The following HDX variants were observed in gnomAD, a reference collection of about 807,000 sequenced individuals.
HDX encodes chromosome X open reading frame 43.
HDX carries 19 observed loss-of-function variants against 45.2 expected under a neutral mutation model. The observed-to-expected ratio is 0.42, with a 90% CI of 0.29 to 0.62. The LOEUF is 0.62. Among genes scored for constraint, HDX ranks in the 20% least tolerant of loss-of-function variants. The probability of loss-of-function intolerance (pLI) is 0.20; values close to 1 mark genes in which losing one functional copy is unlikely to be tolerated. For missense variants in HDX, 532 were observed against 493.9 expected, an observed-to-expected ratio of 1.08 and a Z score of -0.73; for synonymous variants, 188 against 172.8, an observed-to-expected ratio of 1.09 and a Z score of -0.69.
At chrX:84,404,914 T>G (rs959191504) in intron 5 of HDX, among the ~76,000 whole-genome samples, 1 of 111,252 alleles carries the variant, frequency 9.0e-6, no homozygotes, top group African/African-American at 3.3e-5. Context: ...AGCACACAGT[T>G]TTTCTACTGG....
chrX:84,440,385 T>C, intron 5 of HDX, 147 bp downstream of exon 5: 1 of 453,506 alleles, frequency 2.2e-6, no homozygotes, highest in Non-Finnish European at 3.9e-6. Context: ...GTAAATATTA[T>C]GATCTTGAAA....
chrX:84,394,421 G>C (rs2038512399), intron 5 of HDX, among the ~76,000 whole-genome samples: 1 of 111,874 alleles, frequency 8.9e-6, no homozygotes, highest in Non-Finnish European at 1.9e-5. Context: ...CTTATCATAT[G>C]TTGTATCCTG....
chrX:84,371,546 T>C (rs1486300614), intron 5 of HDX, among the ~76,000 whole-genome samples: 1 of 112,043 alleles, frequency 8.9e-6, no homozygotes, highest in East Asian at 2.8e-4. Flanking sequence ...CTCCAGCTTC[T>C]TTGTGAAGGG....
chrX:84,443,133 A>G (rs1389324447), intron 4 of HDX, among the ~76,000 whole-genome samples: 1 of 111,823 alleles, frequency 8.9e-6, no homozygotes, highest in African/African-American at 3.2e-5. Context: ...ATATTTAACT[A>G]ATCTCTCACG....
intron 5 of HDX, among the ~76,000 whole-genome samples, chrX:84,414,230 C>A (rs1180494836): frequency 9.0e-6 from 1 of 111,503 alleles, no homozygotes; most frequent in Non-Finnish European, 1.9e-5. Flanking sequence ...ATTTTCAGAT[C>A]TTCCCCTAGA....
At chrX:84,396,866 G>C (rs1187819752) in intron 5 of HDX, among the ~76,000 whole-genome samples, 1 of 111,183 alleles carries the variant, frequency 9.0e-6, no homozygotes, top group Non-Finnish European at 1.9e-5. Flanking sequence ...GACTAAATGG[G>C]CATGTTCTAG....
intron 2 of HDX, among the ~76,000 whole-genome samples, chrX:84,476,912 T>C (rs1189645472): frequency 9.0e-6 from 1 of 111,623 alleles, no homozygotes; most frequent in East Asian, 2.8e-4. Flanking sequence ...GAGAGTAAAG[T>C]TTCTCCCTGA....
At chrX:84,397,706 C>T (rs1256954194) in intron 5 of HDX, among the ~76,000 whole-genome samples, 1 of 111,810 alleles carries the variant, frequency 8.9e-6, no homozygotes, top group Non-Finnish European at 1.9e-5. Context: ...TACCTACTGG[C>T]TATTTAGCTT....
At chrX:84,458,025 A>G (rs1050769758) in intron 4 of HDX, among the ~76,000 whole-genome samples, 1 of 111,920 alleles carries the variant, frequency 8.9e-6, no homozygotes, top group Non-Finnish European at 1.9e-5. Context: ...TACTGCTAAT[A>G]CACATTTCAT....
At chrX:84,412,879 G>A (rs755913853) in intron 5 of HDX, among the ~76,000 whole-genome samples, 58 of 111,689 alleles carry the variant, frequency 5.2e-4, no homozygotes, top group Non-Finnish European at 9.2e-4. Flanking sequence ...TTTTATTTGC[G>A]ATTATTCGGG....
intron 5 of HDX, among the ~76,000 whole-genome samples, chrX:84,374,556 A>C (rs1158203362): frequency 3.3e-5 from 2 of 61,184 alleles, no homozygotes; most frequent in Non-Finnish European, 5.7e-5. Flanking sequence ...TGGTACCAAA[A>C]CAGAACAGAA....
intron 3 of HDX, among the ~76,000 whole-genome samples, chrX:84,473,880 AT>A (rs1485001904): frequency 8.9e-6 from 1 of 112,189 alleles, no homozygotes; most frequent in East Asian, 2.8e-4. Context: ...ACAATTAGAC[AT>A]TTTCCTCTGT....
chrX:84,430,986 A>G (rs2039493247), intron 5 of HDX, among the ~76,000 whole-genome samples: 1 of 110,828 alleles, frequency 9.0e-6, no homozygotes, highest in Non-Finnish European at 1.9e-5. Flanking sequence ...AGCATAGTAT[A>G]TGATAGGTAG....
chrX:84,487,756 C>T (rs1471179915), intron 2 of HDX, among the ~76,000 whole-genome samples: 3 of 112,295 alleles, frequency 2.7e-5, no homozygotes, highest in African/African-American at 9.7e-5. Context: ...TCCTGGTCCT[C>T]TAGACAGAAA....
At chrX:84,375,141 A>G (rs1465203383) in intron 5 of HDX, among the ~76,000 whole-genome samples, 1 of 102,978 alleles carries the variant, frequency 9.7e-6, no homozygotes, top group Non-Finnish European at 2.0e-5. Flanking sequence ...GACACATGAA[A>G]AAATGCTCAC....
chrX:84,425,841 T>C (rs949678978), intron 5 of HDX, among the ~76,000 whole-genome samples: 1 of 108,348 alleles, frequency 9.2e-6, no homozygotes, highest in African/African-American at 3.4e-5. Context: ...GATGGAGGGG[T>C]AAGGATAGTT....
chrX:84,336,236 C>A (rs1461951461), intron 8 of HDX, among the ~76,000 whole-genome samples: 3 of 111,375 alleles, frequency 2.7e-5, no homozygotes, highest in African/African-American at 9.7e-5. Context: ...TTACTCCACA[C>A]ACAACCTGCT....
At chrX:84,390,706 G>C (rs144167219) in intron 5 of HDX, among the ~76,000 whole-genome samples, 316 of 112,413 alleles carry the variant, frequency 2.8e-3, no homozygotes, top group African/African-American at 9.9e-3. Context: ...AGGTGTGACA[G>C]CTTTTGCAAA....
At position 84,318,312 on chromosome X, in the gene HDX, A is replaced by T. The variant is rs1474559810; in HGVS notation, c.*3577T>A. On this transcript the variant is annotated 3_prime_UTR_variant, in exon 11 of 11. Transcript: ENST00000373177. ...ACCAACTTCAAAGAGAAATCTACCCATTTACCTAACATTTAGATACAGTGG... is the reference window on the plus strand; with the variant it reads ...ACCAACTTCAAAGAGAAATCTACCCTTTTACCTAACATTTAGATACAGTGG... The T allele has an allele frequency of 1.8e-5, 2 of 110,269 alleles. No individual in the cohort carries two copies. The highest frequency in any genetic ancestry group is 3.8e-5 in the Non-Finnish European group (2 of 52,385). 9.1% of individuals were successfully genotyped at this position (110,269 alleles called of 1,213,427 possible).
Sources: allele counts gnomAD v4.1 joint callset (sites outside exome capture counted in the v4.1 genomes callset), GRCh38; gene constraint gnomAD v4.1.1; transcripts MANE v1.5; gene names NCBI Gene and HGNC (gene_info 2026-07-23, HGNC 2026-07-21).